The following CMPK1 variants were observed in gnomAD, a reference collection of about 807,000 sequenced individuals.
CMPK1 encodes cytidine/uridine monophosphate kinase 1.
CMPK1 carries 10 observed loss-of-function variants against 25.7 expected under a neutral mutation model. That is an observed-to-expected ratio of 0.39 (90% CI 0.24 to 0.66). The LOEUF is 0.66. CMPK1 is among the 30% of genes least tolerant of loss of function. CMPK1 has a pLI of 0.48. For synonymous variants in CMPK1, 106 were observed against 101.5 expected, an observed-to-expected ratio of 1.04 and a Z score of -0.27; for missense variants, 199 against 280.5, an observed-to-expected ratio of 0.71 and a Z score of 2.08.
intron 1 of CMPK1, among the ~76,000 whole-genome samples, chr1:47,340,647 T>G: frequency 6.7e-6 from 1 of 148,434 alleles, no homozygotes; most frequent in East Asian, 2.0e-4. Context: ...GGAATAATAA[T>G]TTTTTTTTTT....
At position 47,378,209 on chromosome 1, in the gene CMPK1, A is replaced by T. The variant is rs138974275; in HGVS notation, c.*1464A>T. On this transcript the variant is annotated 3_prime_UTR_variant, in exon 6 of 6. Coordinates refer to ENST00000371873, the MANE Select transcript of CMPK1 (RefSeq NM_016308.3). Reference sequence around the variant, plus strand: ...TGATAAATTTTTCAACATACTTGCCATTAGAAAACAAAGTATTGCTAAGTA... The same window carrying T: ...TGATAAATTTTTCAACATACTTGCCTTTAGAAAACAAAGTATTGCTAAGTA... 11 of 152,310 alleles carry T rather than the reference A, an allele frequency of 7.2e-5. No individual in the cohort carries two copies. Among genetic ancestry groups the T allele is most frequent in the African/African-American group, 2.6e-4 (11 of 41,574 alleles). 9.4% of individuals were successfully genotyped at this position (152,310 alleles called of 1,614,324 possible).
chr1:47,358,251 T>G (rs1316310350), intron 1 of CMPK1: 1 of 466,958 alleles, frequency 2.1e-6, no homozygotes, highest in Non-Finnish European at 4.2e-6. Context: ...TAGCCAGGAC[T>G]ACAGGTGCAC....
At chr1:47,339,158 G>A (rs1375444611) in intron 1 of CMPK1, among the ~76,000 whole-genome samples, 1 of 151,200 alleles carries the variant, frequency 6.6e-6, no homozygotes, top group Non-Finnish European at 1.5e-5. Context: ...AGATTCTCCT[G>A]CCTCAGCCTC....
chr1:47,340,924 A>G (rs1348172875), intron 1 of CMPK1, among the ~76,000 whole-genome samples: 2 of 152,152 alleles, frequency 1.3e-5, no homozygotes, highest in Non-Finnish European at 2.9e-5. Flanking sequence ...GGTATGATCT[A>G]CCATGCCTGG....
chr1:47,345,098 A>G (rs1646473035), intron 1 of CMPK1, among the ~76,000 whole-genome samples: 1 of 151,714 alleles, frequency 6.6e-6, no homozygotes, highest in Admixed American at 6.6e-5. Flanking sequence ...TTATATTTTT[A>G]GCAGAGATGG....
intron 1 of CMPK1, among the ~76,000 whole-genome samples, chr1:47,341,952 C>T (rs1223474322): frequency 6.6e-6 from 1 of 152,098 alleles, no homozygotes; most frequent in Non-Finnish European, 1.5e-5. Flanking sequence ...GGGTCTTGCT[C>T]AGTCCCCCAG....
At position 47,333,813 on chromosome 1, in the gene CMPK1, C is replaced by G. The variant is rs72553937; in HGVS notation, c.-133C>G. On this transcript the variant is annotated 5_prime_UTR_variant, in exon 1 of 6. Transcript: ENST00000371873. ...TCCCCTTCCGACAGGGCCGCGGACGCCCGGGCAGCCACGGCGGCGGGGCCG... is the reference window on the plus strand; with the variant it reads ...TCCCCTTCCGACAGGGCCGCGGACGGCCGGGCAGCCACGGCGGCGGGGCCG... 2 of 390,210 alleles carry G rather than the reference C, an allele frequency of 5.1e-6. No individual in the cohort carries two copies. Among genetic ancestry groups the G allele is most frequent in the South Asian group, 1.0e-4 (1 of 9,582 alleles). The allele number at this position is 390,210 out of a possible 1,614,324, so 24.2% of individuals were successfully genotyped here. A position where few individuals can be genotyped will look rare whatever the true frequency, so the allele number is the denominator to read the frequency against.
chr1:47,368,384 A>G, intron 1 of CMPK1, 85 bp from the exon 2 acceptor site: 1 of 1,124,168 alleles, frequency 8.9e-7, no homozygotes, highest in Non-Finnish European at 1.2e-6. Context: ...ATTAGAATAT[A>G]GAAATTAACA....
At chr1:47,370,558 A>G (rs576225520) in intron 2 of CMPK1, among the ~76,000 whole-genome samples, 59 of 149,698 alleles carry the variant, frequency 3.9e-4, no homozygotes, top group Admixed American at 1.6e-3. Context: ...GAAGAATCGC[A>G]TGAACCTGGG....
At chr1:47,340,798 C>T (rs1006826127) in intron 1 of CMPK1, among the ~76,000 whole-genome samples, 46 of 152,132 alleles carry the variant, frequency 3.0e-4, no homozygotes, top group African/African-American at 1.0e-3. Flanking sequence ...CCACCATGCC[C>T]GGCTAATTTT....
intron 1 of CMPK1, among the ~76,000 whole-genome samples, chr1:47,357,280 A>G (rs961722851): frequency 1.3e-5 from 2 of 151,834 alleles, no homozygotes; most frequent in Admixed American, 6.6e-5. Context: ...CCTTCTTTTT[A>G]TGATATTGAT....
In CMPK1 at chr1:47,334,065, C is replaced by T. The variant is rs1646376881; in HGVS notation, c.120C>T (p.Val40=). Residue 40 remains valine (V), a synonymous_variant, in exon 1 of 6, where the codon GTC becomes GTT. Coordinates refer to ENST00000371873, the MANE Select transcript of CMPK1 (RefSeq NM_016308.3). ...PRLMKPLVVF[V]LGGPGAGKGT... ...TCATGAAGCCGCTGGTCGTGTTCGT[C>T]CTCGGCGGCCCCGGCGCCGGCAAGG... The T allele has an allele frequency of 1.3e-6, 2 of 1,544,126 alleles. No individual in the cohort carries two copies. Among genetic ancestry groups the T allele is most frequent in the Non-Finnish European group, 1.7e-6 (2 of 1,144,642 alleles).
Position 47,378,306 on chromosome 1 carries a change from TTA to T in CMPK1, c.*1563_*1564del. Reference sequence around the variant, plus strand: ...TCTTGGAAGAGATAGGAATGAGTTCTTATCTAGTGTTGCAGGCCAGCAAATAC... The same window carrying T: ...TCTTGGAAGAGATAGGAATGAGTTCTTCTAGTGTTGCAGGCCAGCAAATAC... On this transcript the variant is annotated 3_prime_UTR_variant, in exon 6 of 6. Transcript: ENST00000371873. The T allele has an allele frequency of 6.6e-6, 1 of 152,328 alleles. No homozygotes were observed. Among genetic ancestry groups the T allele is most frequent in the Admixed American group, 6.5e-5 (1 of 15,294 alleles). The allele number at this position is 152,328 out of a possible 1,614,324, so 9.4% of individuals were successfully genotyped here. A position where few individuals can be genotyped will look rare whatever the true frequency, so the allele number is the denominator to read the frequency against.
intron 1 of CMPK1, among the ~76,000 whole-genome samples, chr1:47,364,378 C>T (rs988168867): frequency 1.1e-4 from 16 of 151,798 alleles, no homozygotes; most frequent in Admixed American, 4.6e-4. Context: ...CGTGCAGTGG[C>T]GCAATCTCAG....
intron 1 of CMPK1, among the ~76,000 whole-genome samples, chr1:47,341,977 G>A (rs553534901): frequency 8.2e-4 from 124 of 152,134 alleles, no homozygotes; most frequent in African/African-American, 2.8e-3. Flanking sequence ...GAGTATAGTG[G>A]CTCTATCACT....
rs1201362809 is a variant in CMPK1 at position 47,333,988 on chromosome 1, C to G, written c.43C>G (p.Leu15Val). Residue 15 changes from leucine (L) to valine (V), a missense_variant, in exon 1 of 6, where the codon CTT (leucine) becomes GTT (valine). Transcript: ENST00000371873. The stretch of plus-strand genomic sequence containing the variant: ...CAGCGGGCTGCTCCACGTCCTGGGC[C>G]TTAGCTTCCTGCTGCAGACCCGCCG... ...CRSGLLHVLG[L>V]SFLLQTRRPI... 3 of 1,540,712 alleles carry G rather than the reference C, an allele frequency of 1.9e-6. No homozygotes were observed. Among genetic ancestry groups the G allele is most frequent in the African/African-American group, 2.8e-5 (2 of 70,758 alleles).
At position 47,377,167 on chromosome 1, in the gene CMPK1, T is replaced by C. The variant is rs962190808; in HGVS notation, c.*422T>C. On this transcript the variant is annotated 3_prime_UTR_variant, in exon 6 of 6. Transcript: ENST00000371873. Reference sequence around the variant, plus strand: ...CTTAAGTGAATTTGTGGACCAAATTTCAAAGGAACTTTTTGTGTAGTCAGT... The same window carrying C: ...CTTAAGTGAATTTGTGGACCAAATTCCAAAGGAACTTTTTGTGTAGTCAGT... The C allele has an allele frequency of 1.3e-5, 2 of 153,410 alleles. No individual in the cohort carries two copies. The highest frequency in any genetic ancestry group is 4.8e-5 in the African/African-American group (2 of 41,506). The allele number at this position is 153,410 out of a possible 1,614,324, so 9.5% of individuals were successfully genotyped here. A position where few individuals can be genotyped will look rare whatever the true frequency, so the allele number is the denominator to read the frequency against.
intron 1 of CMPK1, among the ~76,000 whole-genome samples, chr1:47,366,293 T>G (rs1466631432): frequency 6.6e-6 from 1 of 152,230 alleles, no homozygotes; most frequent in African/African-American, 2.4e-5. Flanking sequence ...AAGACTGTTG[T>G]TAGTTACCCA....
At chr1:47,334,656 T>A (rs191863874) in intron 1 of CMPK1, among the ~76,000 whole-genome samples, 5 of 152,268 alleles carry the variant, frequency 3.3e-5, no homozygotes, top group East Asian at 3.9e-4. Flanking sequence ...ATTTTAGGCG[T>A]GCTGTGGGCT....
Sources: allele counts gnomAD v4.1 joint callset (sites outside exome capture counted in the v4.1 genomes callset), GRCh38; gene constraint gnomAD v4.1.1; transcripts MANE v1.5; gene names NCBI Gene and HGNC (gene_info 2026-07-23, HGNC 2026-07-21).